LMBR1: variants seen among roughly 807,000 people sequenced by gnomAD.
LMBR1 encodes the protein limb region 1 protein homolog.
LMBR1 carries 52 observed loss-of-function variants against 73.9 expected under a neutral mutation model. That is an observed-to-expected ratio of 0.70 (90% CI 0.56 to 0.89). The LOEUF (loss-of-function observed/expected upper bound fraction) is 0.89. LMBR1 is among the 40% of genes least tolerant of loss of function. LMBR1 has a pLI of 0.00. For synonymous variants in LMBR1, 215 were observed against 209.4 expected (o/e 1.03, Z -0.23); for missense variants, 539 against 579.8 (o/e 0.93, Z 0.72).
intron 8 of LMBR1, among the ~76,000 whole-genome samples, chr7:156,759,238 T>G (rs1210111013): frequency 6.6e-6 from 1 of 152,246 alleles, no homozygotes; most frequent in African/African-American, 2.4e-5. Flanking sequence ...GCATCTTATC[T>G]GACAGCTTAA....
chr7:156,847,247 C>G (rs890113292), intron 1 of LMBR1, among the ~76,000 whole-genome samples: 1 of 152,138 alleles, frequency 6.6e-6, no homozygotes, highest in Non-Finnish European at 1.5e-5. Context: ...AAAAATGAAT[C>G]TAGACATAGA....
intron 15 of LMBR1, among the ~76,000 whole-genome samples, chr7:156,709,857 G>C (rs1054750852): frequency 6.9e-6 from 1 of 144,226 alleles, no homozygotes; most frequent in Non-Finnish European, 1.5e-5. Context: ...AAACCAAGAA[G>C]AAATCTCTGA....
intron 15 of LMBR1, among the ~76,000 whole-genome samples, chr7:156,715,853 T>A (rs1412616723): frequency 2.6e-5 from 4 of 152,218 alleles, no homozygotes; most frequent in Non-Finnish European, 5.9e-5. Flanking sequence ...TGTTTCCACC[T>A]CTTGGCTACT....
At chr7:156,723,145 C>G (rs968078175) in intron 15 of LMBR1, among the ~76,000 whole-genome samples, 1 of 1,136 alleles carries the variant, frequency 8.8e-4, no homozygotes, top group Non-Finnish European at 1.6e-3. Flanking sequence ...GGTCCCTTTA[C>G]ATTTATACTT....
intron 15 of LMBR1, among the ~76,000 whole-genome samples, chr7:156,722,799 G>T (rs1179306225): frequency 3.3e-5 from 5 of 151,796 alleles, no homozygotes; most frequent in African/African-American, 1.2e-4. Context: ...CCATTAGTTT[G>T]TTTTCTTTGT....
At chr7:156,841,623 A>T (rs1012304654) in intron 1 of LMBR1, among the ~76,000 whole-genome samples, 7 of 152,178 alleles carry the variant, frequency 4.6e-5, no homozygotes, top group African/African-American at 1.7e-4. Context: ...AAATGGAATC[A>T]TCGACAGTGT....
At chr7:156,843,922 C>G (rs1839160405) in intron 1 of LMBR1, among the ~76,000 whole-genome samples, 1 of 151,098 alleles carries the variant, frequency 6.6e-6, no homozygotes, top group Non-Finnish European at 1.5e-5. Context: ...AAAAGGAAAA[C>G]AAGTAACCAA....
intron 4 of LMBR1, among the ~76,000 whole-genome samples, chr7:156,672,780 T>C (rs1325586137): frequency 1.3e-5 from 2 of 152,254 alleles, no homozygotes; most frequent in Non-Finnish European, 1.5e-5. Context: ...AAGTGGCTTC[T>C]GAAAGCGCAC....
At chr7:156,732,913 G>A (rs1462804802) in intron 10 of LMBR1, among the ~76,000 whole-genome samples, 2 of 152,208 alleles carry the variant, frequency 1.3e-5, no homozygotes, top group African/African-American at 2.4e-5. Context: ...GGAGGCTGAC[G>A]TGGGCAGAAC....
chr7:156,765,326 T>C (rs1266620304), intron 5 of LMBR1, among the ~76,000 whole-genome samples: 2 of 152,164 alleles, frequency 1.3e-5, no homozygotes, highest in Non-Finnish European at 2.9e-5. Context: ...TGAGTTCTCA[T>C]GAGATCTGAT....
chr7:156,828,758 T>A (rs1836132870), intron 3 of LMBR1, among the ~76,000 whole-genome samples: 1 of 152,222 alleles, frequency 6.6e-6, no homozygotes, highest in South Asian at 2.1e-4. Flanking sequence ...GATTTATGAG[T>A]CTCTCATCTC....
In LMBR1 at chr7:156,683,995, G is replaced by T; in HGVS notation, c.*83C>A. On this transcript the variant is annotated 3_prime_UTR_variant, in exon 17 of 17. Transcript: ENST00000353442. The stretch of plus-strand genomic sequence containing the variant: ...TTCTGAAGAGGGGCCACGGTTGAAT[G>T]GAAATGCTTCTACATGGGACAGGAA... The T allele has an allele frequency of 1.7e-6, 2 of 1,146,984 alleles. No individual in the cohort carries two copies. The highest frequency in any genetic ancestry group is 2.6e-6 in the Non-Finnish European group (2 of 771,052). 71.1% of individuals were successfully genotyped at this position (1,146,984 alleles called of 1,614,324 possible).
intron 14 of LMBR1, among the ~76,000 whole-genome samples, chr7:156,724,782 G>GTGTGTA (rs1393793414): frequency 6.6e-6 from 1 of 151,498 alleles, no homozygotes; most frequent in African/African-American, 2.4e-5. Flanking sequence ...GTGTGTGTGT[G>GTGTGTA]TGTGTGTGTG....
At chr7:156,751,978 G>A (rs1820983223) in intron 9 of LMBR1, among the ~76,000 whole-genome samples, 1 of 152,176 alleles carries the variant, frequency 6.6e-6, no homozygotes, top group Admixed American at 6.5e-5. Flanking sequence ...ACTAATAAGG[G>A]AGTAAAAGCA....
intron 4 of LMBR1, among the ~76,000 whole-genome samples, chr7:156,801,247 G>A (rs767044138): frequency 1.7e-4 from 26 of 152,180 alleles, no homozygotes; most frequent in African/African-American, 5.3e-4. Context: ...AAATTGCCAC[G>A]GTCACGCAAC....
intron 5 of LMBR1, among the ~76,000 whole-genome samples, chr7:156,781,197 A>T (rs939164512): frequency 2.6e-5 from 4 of 152,248 alleles, no homozygotes; most frequent in Non-Finnish European, 4.4e-5. Flanking sequence ...ATTAAGTTTT[A>T]AAATATAATA....
intron 15 of LMBR1, among the ~76,000 whole-genome samples, chr7:156,699,735 G>C (rs1051228225): frequency 2.0e-5 from 3 of 151,906 alleles, no homozygotes; most frequent in African/African-American, 7.3e-5. Flanking sequence ...TCAAAAAGTG[G>C]GCAAAGGATA....
intron 1 of LMBR1, among the ~76,000 whole-genome samples, chr7:156,871,177 T>C (rs1799233209): frequency 6.6e-6 from 1 of 152,064 alleles, no homozygotes; most frequent in African/African-American, 2.4e-5. Context: ...GCCAACAAAC[T>C]GGATAATCTA....
chr7:156,751,679 C>T (rs554983252), intron 9 of LMBR1, among the ~76,000 whole-genome samples: 36 of 152,290 alleles, frequency 2.4e-4, no homozygotes, highest in Non-Finnish European at 4.4e-4. Context: ...TACTCTGAAG[C>T]TGGAGCCAAC....
Sources: gnomAD v4.1 joint callset for allele counts (sites outside exome capture counted in the v4.1 genomes callset) on GRCh38, gnomAD v4.1.1 for gene constraint, MANE v1.5 for transcripts, NCBI Gene and HGNC (gene_info 2026-07-23, HGNC 2026-07-21) for gene names.